Variants in DYNLRB1 observed in about 807,000 individuals in gnomAD.
DYNLRB1 encodes ROBL/LC7-like 1.
In DYNLRB1, 6 loss-of-function variants were observed where a neutral mutation model predicts 13.5. The observed-to-expected ratio is 0.44, with a 90% confidence interval of 0.24 to 0.88. DYNLRB1 has a LOEUF of 0.88. Ranked by LOEUF, DYNLRB1 falls within the 40% of genes least tolerant of loss-of-function variation. The pLI is 0.21. For synonymous variants in DYNLRB1, 43 were observed against 45.0 expected (o/e 0.96, Z 0.18); for missense variants, 93 against 127.2 (o/e 0.73, Z 1.29).
chr20:34,517,267 G>A (rs1979313092), intron 1 of DYNLRB1, among the ~76,000 whole-genome samples: 1 of 152,110 alleles, frequency 6.6e-6, no homozygotes, highest in African/African-American at 2.4e-5. Context: ...ATTGAAAAAA[G>A]AAACCGTGTC....
intron 1 of DYNLRB1, among the ~76,000 whole-genome samples, chr20:34,525,198 T>C (rs1352528333): frequency 1.3e-5 from 2 of 151,272 alleles, no homozygotes; most frequent in East Asian, 2.0e-4. Flanking sequence ...CCCATTTCTT[T>C]TGGTGAATGG....
intron 1 of DYNLRB1, among the ~76,000 whole-genome samples, chr20:34,522,309 C>T (rs1979786161): frequency 6.6e-6 from 1 of 152,086 alleles, no homozygotes; most frequent in Admixed American, 6.5e-5. Flanking sequence ...TCATACTAAC[C>T]CATGAATGGG....
chr20:34,521,026 CT>C (rs374226818), intron 1 of DYNLRB1, among the ~76,000 whole-genome samples: 2 of 148,738 alleles, frequency 1.3e-5, no homozygotes, highest in African/African-American at 2.5e-5. Context: ...TCATTTCTGT[CT>C]TTTTTTTTTG....
At chr20:34,523,180 C>A (rs1173661698) in intron 1 of DYNLRB1, among the ~76,000 whole-genome samples, 1 of 152,104 alleles carries the variant, frequency 6.6e-6, no homozygotes, top group African/African-American at 2.4e-5. Context: ...GAGGTAGTTA[C>A]ATCAAGCAGT....
intron 3 of DYNLRB1, chr20:34,536,365 G>A (rs1981140391): frequency 1.0e-6 from 1 of 985,366 alleles, no homozygotes; most frequent in Non-Finnish European, 1.2e-6. Flanking sequence ...CTGGGTTGGG[G>A]GAAAAAGCCT....
intron 2 of DYNLRB1, among the ~76,000 whole-genome samples, chr20:34,532,125 G>C (rs1051019804): frequency 1.5e-4 from 23 of 152,210 alleles, no homozygotes; most frequent in African/African-American, 5.5e-4. Flanking sequence ...TTTTAGCAAG[G>C]CCCTTGCGGG....
upstream of DYNLRB1, chr20:34,516,381 CAG>C (rs1979163956): frequency 2.8e-5 from 44 of 1,589,350 alleles, no homozygotes; most frequent in East Asian, 9.8e-4. Context: ...TCCGTTTTGA[CAG>C]AAACCTTTGC....
intron 3 of DYNLRB1, among the ~76,000 whole-genome samples, chr20:34,538,464 A>G (rs1981341575): frequency 6.6e-6 from 1 of 152,054 alleles, no homozygotes; most frequent in African/African-American, 2.4e-5. Flanking sequence ...ACAGACTTCT[A>G]GTTTTCACTT....
chr20:34,540,542 T>C, intron 3 of DYNLRB1, 39 bp from the exon 4 acceptor site: 1 of 1,589,112 alleles, frequency 6.3e-7, no homozygotes, highest in Non-Finnish European at 8.6e-7. Context: ...TTCTCTCATT[T>C]TACATTTAGT....
chr20:34,521,693 T>G (rs1568598035), intron 1 of DYNLRB1, among the ~76,000 whole-genome samples: 1 of 152,168 alleles, frequency 6.6e-6, no homozygotes, highest in Non-Finnish European at 1.5e-5. Context: ...GAACCTTGTC[T>G]CCATCATCCC....
chr20:34,516,944 C>T, intron 1 of DYNLRB1: 1 of 1,364,684 alleles, frequency 7.3e-7, no homozygotes, highest in Non-Finnish European at 9.5e-7. Flanking sequence ...AAGCCAAGTG[C>T]TTTGCCCCAG....
chr20:34,516,758 T>G (rs1182555877), intron 1 of DYNLRB1: 2 of 1,549,712 alleles, frequency 1.3e-6, no homozygotes. Context: ...CCTAGAGTTT[T>G]GGGGCCTTGG....
chr20:34,518,212 A>C (rs1249862465), intron 1 of DYNLRB1, among the ~76,000 whole-genome samples: 3 of 151,514 alleles, frequency 2.0e-5, no homozygotes, highest in Non-Finnish European at 4.4e-5. Context: ...CCTCTATTCT[A>C]TTCCATTGGT....
chr20:34,534,368 A>T (rs1429100287), intron 2 of DYNLRB1, among the ~76,000 whole-genome samples: 5 of 152,206 alleles, frequency 3.3e-5, no homozygotes, highest in African/African-American at 1.2e-4. Context: ...CTGTGTGACT[A>T]CAGACAGGTC....
intron 3 of DYNLRB1, among the ~76,000 whole-genome samples, chr20:34,538,715 C>T (rs765247630): frequency 1.1e-4 from 17 of 152,314 alleles, no homozygotes; most frequent in African/African-American, 4.1e-4. Flanking sequence ...TTAGTCACTT[C>T]ATTTCTGTTT....
intron 1 of DYNLRB1, among the ~76,000 whole-genome samples, chr20:34,524,104 T>C (rs1216852839): frequency 6.6e-6 from 1 of 152,156 alleles, no homozygotes; most frequent in Non-Finnish European, 1.5e-5. Context: ...GATGCATAGA[T>C]GGGGGGTTAA....
intron 2 of DYNLRB1, among the ~76,000 whole-genome samples, chr20:34,528,992 A>C (rs1568601216): frequency 6.6e-6 from 1 of 152,060 alleles, no homozygotes; most frequent in African/African-American, 2.4e-5. Flanking sequence ...TTAAAAAAAA[A>C]AAAACAAAAA....
At chr20:34,528,553 G>A (rs1980443162) in intron 2 of DYNLRB1, among the ~76,000 whole-genome samples, 1 of 152,210 alleles carries the variant, frequency 6.6e-6, no homozygotes, top group Non-Finnish European at 1.5e-5. Context: ...CACAGTGGGT[G>A]TTGCCATCAG....
At chr20:34,525,293 G>GTA (rs1980104282) in intron 1 of DYNLRB1, among the ~76,000 whole-genome samples, 2 of 152,148 alleles carry the variant, frequency 1.3e-5, no homozygotes, top group Non-Finnish European at 2.9e-5. Context: ...CTGAGAACAG[G>GTA]TATACCTCAG....
Sources: allele counts gnomAD v4.1 joint callset (sites outside exome capture counted in the v4.1 genomes callset), GRCh38; gene constraint gnomAD v4.1.1; transcripts MANE v1.5; gene names NCBI Gene and HGNC (gene_info 2026-07-23, HGNC 2026-07-21).